Variants in RNF13 observed in about 807,000 individuals in gnomAD.
RNF13 encodes the protein ring finger protein 13.
RNF13 carries 19 observed loss-of-function variants against 37.7 expected under a neutral mutation model. The ratio of observed to expected loss-of-function variants is 0.50; its 90% CI spans 0.35 to 0.74. RNF13 has a LOEUF of 0.74. Among genes scored for constraint, RNF13 ranks in the 30% least tolerant of loss-of-function variants. RNF13 has a pLI of 0.01. For synonymous variants in RNF13, 144 were observed against 157.8 expected (o/e 0.91, Z 0.65); for missense variants, 375 against 453.0 (o/e 0.83, Z 1.56).
intron 1 of RNF13, chr3:149,814,369 T>G (rs1719205194): frequency 6.6e-6 from 1 of 152,214 alleles, no homozygotes; most frequent in African/African-American, 2.4e-5. Context: ...TAAGCACAGT[T>G]TTTTAATGGG....
intron 6 of RNF13, among the ~76,000 whole-genome samples, chr3:149,905,518 T>C (rs946803109): frequency 6.6e-6 from 1 of 152,010 alleles, no homozygotes; most frequent in African/African-American, 2.4e-5. Context: ...TTTTTTGTAT[T>C]TTGAAATTTT....
chr3:149,947,720 A>G (rs541457644), intron 8 of RNF13, among the ~76,000 whole-genome samples: 2 of 152,002 alleles, frequency 1.3e-5, no homozygotes, highest in South Asian at 2.1e-4. Flanking sequence ...AGTTCTGTCA[A>G]TGTTGCTTCA....
At chr3:149,873,734 C>T (rs1280070017) in intron 4 of RNF13, among the ~76,000 whole-genome samples, 2 of 152,210 alleles carry the variant, frequency 1.3e-5, no homozygotes, top group Non-Finnish European at 2.9e-5. Flanking sequence ...ACTTTTCTTT[C>T]TACTTCCTCT....
chr3:149,924,154 G>T (rs931670088), intron 8 of RNF13, among the ~76,000 whole-genome samples: 1 of 152,050 alleles, frequency 6.6e-6, no homozygotes, highest in Admixed American at 6.6e-5. Flanking sequence ...AGATTTTTTG[G>T]TCTGAACAAC....
intron 8 of RNF13, among the ~76,000 whole-genome samples, chr3:149,944,744 T>A (rs1009845683): frequency 6.6e-6 from 1 of 152,250 alleles, no homozygotes; most frequent in African/African-American, 2.4e-5. Flanking sequence ...AATAATTTTC[T>A]CCCATTCTCT....
At chr3:149,850,885 C>T (rs1023001389) in intron 2 of RNF13, among the ~76,000 whole-genome samples, 6 of 152,162 alleles carry the variant, frequency 3.9e-5, no homozygotes, top group Non-Finnish European at 8.8e-5. Flanking sequence ...CATTTTGTAA[C>T]TCTGAAGTAC....
chr3:149,919,893 C>T (rs1044491120), intron 7 of RNF13, among the ~76,000 whole-genome samples: 8 of 152,136 alleles, frequency 5.3e-5, no homozygotes, highest in South Asian at 4.1e-4. Flanking sequence ...CCTCCACTTC[C>T]GTGCCAACGC....
At chr3:149,908,531 C>G (rs1716659326) in intron 6 of RNF13, among the ~76,000 whole-genome samples, 1 of 152,110 alleles carries the variant, frequency 6.6e-6, no homozygotes, top group Non-Finnish European at 1.5e-5. Flanking sequence ...GAAGACAGAG[C>G]AGTGCACTGG....
At chr3:149,955,318 ACTT>A (rs1213017043) in intron 8 of RNF13, among the ~76,000 whole-genome samples, 1 of 151,776 alleles carries the variant, frequency 6.6e-6, no homozygotes, top group Non-Finnish European at 1.5e-5. Flanking sequence ...GCTATTAAAG[ACTT>A]CTTTTTTTAT....
At chr3:149,926,728 G>A (rs1488550092) in intron 8 of RNF13, among the ~76,000 whole-genome samples, 1 of 152,150 alleles carries the variant, frequency 6.6e-6, no homozygotes, top group Non-Finnish European at 1.5e-5. Flanking sequence ...CTGTTCTGCA[G>A]TGTCACCTCT....
chr3:149,850,937 G>A (rs962696826), intron 2 of RNF13, among the ~76,000 whole-genome samples: 2 of 152,108 alleles, frequency 1.3e-5, no homozygotes, highest in Non-Finnish European at 2.9e-5. Flanking sequence ...AATTATTGTT[G>A]CAATGGGAAA....
At chr3:149,883,924 T>C (rs1378600149) in intron 4 of RNF13, among the ~76,000 whole-genome samples, 1 of 152,188 alleles carries the variant, frequency 6.6e-6, no homozygotes, top group Non-Finnish European at 1.5e-5. Flanking sequence ...ATTGTTTAGC[T>C]CCCACTTATA....
chr3:149,865,248 A>G (rs912281752), intron 3 of RNF13, among the ~76,000 whole-genome samples: 22 of 151,046 alleles, frequency 1.5e-4, no homozygotes, highest in African/African-American at 4.8e-4. Context: ...GTACTTATCA[A>G]TGGTTACAGT....
At chr3:149,906,035 T>C (rs1716353259) in intron 6 of RNF13, among the ~76,000 whole-genome samples, 1 of 152,226 alleles carries the variant, frequency 6.6e-6, no homozygotes, top group Non-Finnish European at 1.5e-5. Context: ...ACTAATCTAC[T>C]TTCTGTCTTT....
chr3:149,848,732 TTTTTTTG>T (rs995735943), intron 2 of RNF13, among the ~76,000 whole-genome samples: 45 of 146,948 alleles, frequency 3.1e-4, no homozygotes, highest in African/African-American at 7.1e-4. Flanking sequence ...TGTTTTGTGT[TTTTTTTG>T]TTTTTTGTTT....
intron 4 of RNF13, among the ~76,000 whole-genome samples, chr3:149,885,288 T>C (rs1244797017): frequency 6.6e-6 from 1 of 152,178 alleles, no homozygotes; most frequent in Non-Finnish European, 1.5e-5. Flanking sequence ...ATTTTTAGTT[T>C]TTTTGAGGAA....
chr3:149,925,055 A>G (rs765038558), intron 8 of RNF13, among the ~76,000 whole-genome samples: 1 of 152,218 alleles, frequency 6.6e-6, no homozygotes, highest in Non-Finnish European at 1.5e-5. Flanking sequence ...GAAATCACCA[A>G]CTGAGGGTGA....
chr3:149,953,440 T>G (rs1576598101), intron 8 of RNF13, among the ~76,000 whole-genome samples: 1 of 152,208 alleles, frequency 6.6e-6, no homozygotes, highest in Non-Finnish European at 1.5e-5. Context: ...TATAAAAATA[T>G]GAAACCATGG....
chr3:149,895,328 A>G (rs1312308010), intron 4 of RNF13, 145 bp from the exon 5 acceptor site: 1 of 539,676 alleles, frequency 1.9e-6, no homozygotes, highest in African/African-American at 2.0e-5. Context: ...TTAGAGCAAA[A>G]CAGATTAATG....
Sources: gnomAD v4.1 joint callset for allele counts (sites outside exome capture counted in the v4.1 genomes callset) on GRCh38, gnomAD v4.1.1 for gene constraint, MANE v1.5 for transcripts, NCBI Gene and HGNC (gene_info 2026-07-23, HGNC 2026-07-21) for gene names.